The following CEP85L variants were observed in gnomAD, a reference collection of about 807,000 sequenced individuals.
The protein encoded by CEP85L is centrosomal protein of 85 kDa-like.
Under a neutral mutation model 100.3 loss-of-function variants are expected in CEP85L, and 60 were observed. The ratio of observed to expected loss-of-function variants is 0.60; its 90% confidence interval spans 0.49 to 0.74. The LOEUF (loss-of-function observed/expected upper bound fraction) is 0.74. CEP85L is among the 30% of genes least tolerant of loss of function. CEP85L has a pLI of 0.00. For missense variants in CEP85L, 973 were observed against 936.2 expected, an observed-to-expected ratio of 1.04 and a Z score of -0.51; for synonymous variants, 319 against 322.7, an observed-to-expected ratio of 0.99 and a Z score of 0.12.
At chr6:118,635,448 CTA>C (rs776656557) in intron 1 of CEP85L, among the ~76,000 whole-genome samples, 33 of 152,024 alleles carry the variant, frequency 2.2e-4, no homozygotes, top group Non-Finnish European at 4.1e-4. Flanking sequence ...CTAACACTGA[CTA>C]TGTTTTACTA....
At chr6:118,702,995 CA>C (rs34426942) in intron 1 of CEP85L, among the ~76,000 whole-genome samples, 39,248 of 93,580 alleles carry the variant, frequency 0.42, 6,440 homozygotes, top group Non-Finnish European at 0.52. Flanking sequence ...GACTCTGTCT[CA>C]AAAAAAAAAA....
chr6:118,689,682 T>C (rs1776965982), intron 1 of CEP85L, among the ~76,000 whole-genome samples: 1 of 152,200 alleles, frequency 6.6e-6, no homozygotes, highest in African/African-American at 2.4e-5. Flanking sequence ...AATTGTAACC[T>C]GCAACCAGCA....
chr6:118,680,625 C>G (rs1776626719), intron 1 of CEP85L, among the ~76,000 whole-genome samples: 1 of 152,102 alleles, frequency 6.6e-6, no homozygotes, highest in Non-Finnish European at 1.5e-5. Flanking sequence ...GCCTATAATC[C>G]CAGCTTTTTG....
At chr6:118,698,400 T>A (rs1340528032) in intron 1 of CEP85L, among the ~76,000 whole-genome samples, 1 of 152,160 alleles carries the variant, frequency 6.6e-6, no homozygotes, top group African/African-American at 2.4e-5. Flanking sequence ...CCCTGGATGA[T>A]GAGATGACCA....
At chr6:118,567,073 C>A (rs1468852258) in intron 2 of CEP85L, among the ~76,000 whole-genome samples, 1 of 151,588 alleles carries the variant, frequency 6.6e-6, no homozygotes, top group Non-Finnish European at 1.5e-5. Flanking sequence ...TTAGAACCTC[C>A]CCAAACTCTA....
At chr6:118,485,863 CTA>C (rs1239908757) in intron 6 of CEP85L, among the ~76,000 whole-genome samples, 9 of 152,196 alleles carry the variant, frequency 5.9e-5, no homozygotes, top group African/African-American at 2.2e-4. Context: ...ATAAACCAAC[CTA>C]TGTTTACTTA....
At chr6:118,634,044 T>C (rs887489048) in intron 1 of CEP85L, among the ~76,000 whole-genome samples, 4 of 152,234 alleles carry the variant, frequency 2.6e-5, no homozygotes, top group African/African-American at 9.6e-5. Context: ...TAATTCAATG[T>C]CCCCATCTGT....
At chr6:118,612,026 A>G (rs1322468307) in intron 2 of CEP85L, among the ~76,000 whole-genome samples, 1 of 152,232 alleles carries the variant, frequency 6.6e-6, no homozygotes, top group African/African-American at 2.4e-5. Flanking sequence ...CTACAACAGC[A>G]GAATACACAT....
intron 3 of CEP85L, among the ~76,000 whole-genome samples, chr6:118,561,863 C>T (rs1057445588): frequency 2.0e-5 from 3 of 151,900 alleles, no homozygotes; most frequent in African/African-American, 7.3e-5. Flanking sequence ...AGAGGGCAGA[C>T]GTATATAAGA....
intron 1 of CEP85L, 21 bp from the exon 2 acceptor site, chr6:118,632,632 C>G (rs1170199760): frequency 6.3e-7 from 1 of 1,595,270 alleles, no homozygotes; most frequent in African/African-American, 1.3e-5. Flanking sequence ...AAATATGTAA[C>G]AGTTAACACA....
intron 11 of CEP85L, among the ~76,000 whole-genome samples, chr6:118,470,018 A>T (rs1341055755): frequency 1.3e-5 from 2 of 152,192 alleles, no homozygotes; most frequent in Non-Finnish European, 2.9e-5. Context: ...AATTACTTTG[A>T]AACTACTTTT....
intron 1 of CEP85L, among the ~76,000 whole-genome samples, chr6:118,650,009 AT>A: frequency 6.6e-6 from 1 of 152,204 alleles, no homozygotes; most frequent in South Asian, 2.1e-4. Flanking sequence ...TCAGTGCCTG[AT>A]TTTTTTTAAA....
At chr6:118,666,000 A>G (rs1024903445) in intron 1 of CEP85L, among the ~76,000 whole-genome samples, 2 of 152,298 alleles carry the variant, frequency 1.3e-5, no homozygotes, top group Middle Eastern at 3.4e-3. Flanking sequence ...TCACCCACAT[A>G]TGATTGCTTG....
At chr6:118,619,634 TAGG>T (rs1277520766) in intron 2 of CEP85L, among the ~76,000 whole-genome samples, 6 of 152,096 alleles carry the variant, frequency 3.9e-5, no homozygotes, top group Non-Finnish European at 5.9e-5. Flanking sequence ...TTACAAGCAG[TAGG>T]AGGAGAATTT....
chr6:118,633,999 G>C (rs74907763), intron 1 of CEP85L, among the ~76,000 whole-genome samples: 35 of 152,258 alleles, frequency 2.3e-4, no homozygotes, highest in Non-Finnish European at 4.6e-4. Context: ...CAATGCTCCC[G>C]TATCTGTATA....
rs376057732 is a variant in CEP85L at position 118,555,320 on chromosome 6, C to T, written c.1020+10209G>A. Among the ~76,000 whole-genome samples the T allele has an allele frequency of 2.0e-3, 308 of 150,248 alleles. 11 individuals carry two copies. In the South Asian group the frequency reaches 0.062, roughly 30 times the overall value. ...GCGGGCACCTGTAGTCCCAGCTACT[C>T]GGGAGGCTAAGGCAGGAGAATGGCG... On this transcript the variant is annotated intron_variant, in intron 3 of 12. Transcript: ENST00000368491.
chr6:118,581,833 T>C (rs988822589), intron 2 of CEP85L, among the ~76,000 whole-genome samples: 1 of 152,162 alleles, frequency 6.6e-6, no homozygotes, highest in Admixed American at 6.5e-5. Context: ...TCATATTCTA[T>C]TGCACAAGAG....
chr6:118,531,483 A>T (rs1380335192), intron 3 of CEP85L, among the ~76,000 whole-genome samples: 3 of 152,192 alleles, frequency 2.0e-5, no homozygotes, highest in Admixed American at 2.0e-4. Context: ...CTCCAAAAGC[A>T]ATCACAACAA....
At chr6:118,497,640 C>T (rs977110413) in intron 5 of CEP85L, among the ~76,000 whole-genome samples, 1 of 152,176 alleles carries the variant, frequency 6.6e-6, no homozygotes, top group African/African-American at 2.4e-5. Context: ...TTCTGCTATA[C>T]ACTCTGAAGT....
Sources: allele counts gnomAD v4.1 joint callset (sites outside exome capture counted in the v4.1 genomes callset), GRCh38; gene constraint gnomAD v4.1.1; transcripts MANE v1.5; gene names NCBI Gene and HGNC (gene_info 2026-07-23, HGNC 2026-07-21).